The following FAM13A variants were observed in gnomAD, a reference collection of about 807,000 sequenced individuals.
FAM13A encodes the protein protein FAM13A.
A neutral mutation model predicts 129.6 loss-of-function variants in FAM13A; 76 were observed. That is an observed-to-expected ratio of 0.59 (90% CI 0.49 to 0.71). The LOEUF (loss-of-function observed/expected upper bound fraction) is 0.71. Among genes scored for constraint, FAM13A ranks in the 30% least tolerant of loss-of-function variants. FAM13A has a pLI of 0.00. For missense variants in FAM13A, 1,108 were observed against 1,249.3 expected, an observed-to-expected ratio of 0.89 and a Z score of 1.70; for synonymous variants, 443 against 449.9, an observed-to-expected ratio of 0.98 and a Z score of 0.20.
chr4:88,945,429 T>A (rs540387205), intron 4 of FAM13A, among the ~76,000 whole-genome samples: 6 of 152,204 alleles, frequency 3.9e-5, no homozygotes, highest in Non-Finnish European at 8.8e-5. Context: ...ATGCATGGAA[T>A]GAGACTCCCT....
At chr4:88,811,600 TG>T (rs1368947413) in intron 7 of FAM13A, among the ~76,000 whole-genome samples, 4 of 125,864 alleles carry the variant, frequency 3.2e-5, no homozygotes, top group African/African-American at 1.2e-4. Context: ...AGTTCTTAAG[TG>T]GGGGGTGGGA....
Position 88,896,388 on chromosome 4 carries a change from T to A in FAM13A, c.843+9991A>T, listed in dbSNP as rs953449378. On this transcript the variant is annotated intron_variant, in intron 6 of 23. Coordinates refer to ENST00000264344, the MANE Select transcript of FAM13A (RefSeq NM_014883.4). ...ATACATATGTAACTAACCTGCACAA[T>A]GTGCACATGTACCCTAAAACTTAAA... 2.0e-5 allele frequency among the ~76,000 whole-genome samples: 3 copies of A among 152,096 alleles called. No homozygotes were observed. The East Asian group carries it at 5.8e-4, about 29-fold the overall frequency.
At chr4:88,950,260 T>A (rs1579448656) in intron 4 of FAM13A, among the ~76,000 whole-genome samples, 2 of 149,862 alleles carry the variant, frequency 1.3e-5, no homozygotes. Flanking sequence ...CAGGCTGGAG[T>A]GGTGATCATT....
intron 1 of FAM13A, among the ~76,000 whole-genome samples, chr4:89,052,455 C>A: frequency 9.2e-6 from 1 of 109,260 alleles, no homozygotes; most frequent in Non-Finnish European, 1.8e-5. Flanking sequence ...GCTATCCCTC[C>A]CCCCTCCCCC....
chr4:88,852,916 T>C (rs1737859503), intron 6 of FAM13A, among the ~76,000 whole-genome samples: 1 of 152,186 alleles, frequency 6.6e-6, no homozygotes, highest in Admixed American at 6.5e-5. Flanking sequence ...AATTATGACT[T>C]GTCAACTAAA....
At chr4:89,031,926 A>C (rs1768729102) in intron 1 of FAM13A, among the ~76,000 whole-genome samples, 1 of 152,070 alleles carries the variant, frequency 6.6e-6, no homozygotes, top group African/African-American at 2.4e-5. Context: ...TGAGTTTAAA[A>C]CCTTGAATTA....
At chr4:89,019,416 C>T (rs893123910) in intron 3 of FAM13A, among the ~76,000 whole-genome samples, 4 of 151,960 alleles carry the variant, frequency 2.6e-5, no homozygotes, top group African/African-American at 9.7e-5. Flanking sequence ...TCTTACAGCA[C>T]TTAGGAGGGA....
chr4:88,751,163 AC>A (rs1742521942), intron 14 of FAM13A, among the ~76,000 whole-genome samples: 1 of 152,082 alleles, frequency 6.6e-6, no homozygotes, highest in African/African-American at 2.4e-5. Context: ...AATTGCTTGA[AC>A]CCAGGAGGTG....
At chr4:88,899,918 G>C (rs1249367281) in intron 6 of FAM13A, among the ~76,000 whole-genome samples, 1 of 152,022 alleles carries the variant, frequency 6.6e-6, no homozygotes, top group African/African-American at 2.4e-5. Flanking sequence ...AGCCAGAACA[G>C]CCAGTTTAGA....
intron 1 of FAM13A, among the ~76,000 whole-genome samples, chr4:89,053,180 C>A (rs1771820024): frequency 6.6e-6 from 1 of 152,132 alleles, no homozygotes; most frequent in African/African-American, 2.4e-5. Context: ...CACTTTATAA[C>A]AAAAAATCAT....
intron 4 of FAM13A, among the ~76,000 whole-genome samples, chr4:88,955,436 G>C (rs989508347): frequency 6.6e-6 from 1 of 152,042 alleles, no homozygotes; most frequent in African/African-American, 2.4e-5. Context: ...ACCCAGTCTC[G>C]GGTATGTCTT....
chr4:89,047,342 T>C (rs868492367), intron 1 of FAM13A, among the ~76,000 whole-genome samples: 1 of 152,150 alleles, frequency 6.6e-6, no homozygotes, highest in African/African-American at 2.4e-5. Context: ...CCTCATTTTA[T>C]ACTCCAGACA....
Position 88,747,872 on chromosome 4 carries a change from G to A in FAM13A, c.2162-21C>T. 4.7e-6 allele frequency: 7 copies of A among 1,499,950 alleles called. No individual in the cohort carries two copies. In the East Asian group the frequency reaches 9.0e-5, roughly 19 times the overall value. The allele number at this position is 1,499,950 out of a possible 1,614,324, so 92.9% of individuals were successfully genotyped here. On this transcript the variant is annotated intron_variant, in intron 17 of 23. Transcript: ENST00000264344. ...TGATTCTAGTTGAGAAGATTTGGGGGTAAAGATATATGAGATTTATTTATT... is the reference window on the plus strand; with the variant it reads ...TGATTCTAGTTGAGAAGATTTGGGGATAAAGATATATGAGATTTATTTATT...
intron 6 of FAM13A, among the ~76,000 whole-genome samples, chr4:88,864,557 C>T (rs568099340): frequency 8.0e-4 from 121 of 151,958 alleles, no homozygotes; most frequent in African/African-American, 2.5e-3. Flanking sequence ...TACAGGCACG[C>T]GCCACCACAC....
intron 3 of FAM13A, among the ~76,000 whole-genome samples, chr4:89,013,348 T>C (rs1055842123): frequency 1.4e-5 from 2 of 146,032 alleles, no homozygotes; most frequent in African/African-American, 2.5e-5. Flanking sequence ...ATATATAAAA[T>C]GTATAAAACA....
At chr4:88,795,655 T>C (rs1459848890) in intron 8 of FAM13A, among the ~76,000 whole-genome samples, 1 of 151,826 alleles carries the variant, frequency 6.6e-6, no homozygotes, top group African/African-American at 2.4e-5. Context: ...CTTCAGGGTA[T>C]GTCCTCGATA....
intron 21 of FAM13A, among the ~76,000 whole-genome samples, chr4:88,734,792 G>C (rs528776504): frequency 3.9e-5 from 6 of 152,212 alleles, no homozygotes; most frequent in African/African-American, 1.4e-4. Context: ...CAGCCCCAAA[G>C]GTCAGCAGTG....
chr4:89,035,493 G>C (rs1769268313), intron 1 of FAM13A, among the ~76,000 whole-genome samples: 1 of 148,726 alleles, frequency 6.7e-6, no homozygotes, highest in African/African-American at 2.5e-5. Flanking sequence ...GGAAGGAGGG[G>C]AGGGGAGGGA....
At chr4:88,805,847 T>C (rs1412420672) in intron 7 of FAM13A, among the ~76,000 whole-genome samples, 3 of 151,928 alleles carry the variant, frequency 2.0e-5, no homozygotes, top group East Asian at 3.9e-4. Context: ...TTTTTATTTT[T>C]TGTGGAGACA....
Sources: allele counts gnomAD v4.1 joint callset (sites outside exome capture counted in the v4.1 genomes callset), GRCh38; gene constraint gnomAD v4.1.1; transcripts MANE v1.5; gene names NCBI Gene and HGNC (gene_info 2026-07-23, HGNC 2026-07-21).